KLF7: variants seen among roughly 807,000 people sequenced by gnomAD.
The protein encoded by KLF7 is Krueppel-like factor 7.
KLF7 carries 2 observed loss-of-function variants against 27.3 expected under a neutral mutation model. The ratio of observed to expected loss-of-function variants is 0.07; its 90% confidence interval spans 0.03 to 0.23. KLF7 has a LOEUF of 0.23. KLF7 is among the 10% of genes least tolerant of loss of function. The pLI is 1.00. For missense variants in KLF7, 221 were observed against 394.1 expected (o/e 0.56, Z 3.72); for synonymous variants, 165 against 162.4 (o/e 1.02, Z -0.12).
Position 207,144,159 on chromosome 2 carries a change from C to CG in KLF7, c.103-19756dup, listed in dbSNP as rs57867270. Among the ~76,000 whole-genome samples the CG allele has an allele frequency of 7.3e-3, 682 of 92,858 alleles. 7 individuals are homozygous for CG. The highest frequency in any genetic ancestry group is 0.048 in the South Asian group (123 of 2,546). 60.9% of individuals were successfully genotyped at this position (92,858 alleles called of 152,430 possible). ...GGCCCTGGTCTAGGAGTCGTCACAG[C>CG]GGGGGGGAGAAAAAAAAAAAAAAGC... On this transcript the variant is annotated intron_variant, in intron 1 of 3. Transcript: ENST00000309446.
In KLF7 at chr2:207,079,323, G is replaced by C. The variant is rs1406264339; in HGVS notation, c.*1890C>G. On this transcript the variant is annotated 3_prime_UTR_variant, in exon 4 of 4. Coordinates refer to ENST00000309446, the MANE Select transcript of KLF7 (RefSeq NM_003709.4). ...TGTGTTTCTTATATTATTTCCTTTT[G>C]ACTTCAGTTTTGCATCCCAAATATG... 1 of 152,120 alleles carries C rather than the reference G, an allele frequency of 6.6e-6. No homozygotes were observed. The highest frequency in any genetic ancestry group is 2.4e-5 in the African/African-American group (1 of 41,390). 9.4% of individuals were successfully genotyped at this position (152,120 alleles called of 1,614,324 possible). A position where few individuals can be genotyped will look rare whatever the true frequency, so the allele number is the denominator to read the frequency against.
At chr2:207,119,854 C>A (rs940202860) in intron 2 of KLF7, among the ~76,000 whole-genome samples, 1 of 152,162 alleles carries the variant, frequency 6.6e-6, no homozygotes, top group African/African-American at 2.4e-5. Context: ...CAGGCACGCG[C>A]CACACGCCCA....
At chr2:207,122,926 A>G (rs1340987432) in intron 2 of KLF7, among the ~76,000 whole-genome samples, 1 of 151,304 alleles carries the variant, frequency 6.6e-6, no homozygotes, top group African/African-American at 2.4e-5. Context: ...CCAGGAAGAG[A>G]CACCACCCCT....
rs114440196 is a variant in KLF7, at chr2:207,165,099, C to A, written c.102+368G>T. Among the ~76,000 whole-genome samples, 1,396 of 146,416 alleles carry A rather than the reference C, an allele frequency of 9.5e-3. 22 individuals carry two copies. The highest frequency in any genetic ancestry group is 0.033 in the African/African-American group (1,325 of 39,820). Reference sequence around the variant, plus strand: ...GAGCTCATGCATGCGAGAACGTGGTCCCTGTCAGCAATCGCTCCTAACACC... The same window carrying A: ...GAGCTCATGCATGCGAGAACGTGGTACCTGTCAGCAATCGCTCCTAACACC... On this transcript the variant is annotated intron_variant, in intron 1 of 3. Transcript: ENST00000309446.
In KLF7 at chr2:207,094,389, A is replaced by C. The variant is rs376277288; in HGVS notation, c.734-5808T>G. ...TTTTTTAATGTGGTTCTAGACATTT[A>C]GGTATGTCAAGGTCCTAGTCTCTTG... is the stretch of plus-strand genomic sequence containing the variant. On this transcript the variant is annotated intron_variant, in intron 2 of 3. Transcript: ENST00000309446. 3.9e-5 allele frequency among the ~76,000 whole-genome samples: 6 copies of C among 152,306 alleles called. No homozygotes were observed. In the East Asian group the frequency reaches 1.2e-3, roughly 29 times the overall value.
rs116511395 is a variant in KLF7 at position 207,123,515 on chromosome 2, C to T, written c.733+259G>A. The stretch of plus-strand genomic sequence containing the variant: ...AAACAGCTATGAGTCACTGCCAGGG[C>T]CCCCTTCAGCCATCCTCAGAATTGT... On this transcript the variant is annotated intron_variant, in intron 2 of 3. Transcript: ENST00000309446. 8.8e-3 allele frequency among the ~76,000 whole-genome samples: 1,342 copies of T among 152,314 alleles called. 21 individuals carry two copies. Among genetic ancestry groups the T allele is most frequent in the African/African-American group, 0.031 (1,291 of 41,572 alleles).
chr2:207,114,642 C>T lies in KLF7; in HGVS notation c.733+9132G>A, dbSNP rs80258250. ...GGCAACTGCTAGACTCCTAGAACCA[C>T]TCTCATTTAACATTGGCTTCAATAT... On this transcript the variant is annotated intron_variant, in intron 2 of 3. Coordinates refer to ENST00000309446, the MANE Select transcript of KLF7 (RefSeq NM_003709.4). Among the ~76,000 whole-genome samples the T allele has an allele frequency of 7.7e-3, 1,172 of 152,318 alleles. 103 individuals carry two copies. In the East Asian group the frequency reaches 0.19, roughly 25 times the overall value.
At chr2:207,150,998 A>T (rs537082167) in intron 1 of KLF7, among the ~76,000 whole-genome samples, 1,482 of 11,666 alleles carry the variant, frequency 0.13, 25 homozygotes, top group Admixed American at 0.16. Context: ...TCTCTTTATT[A>T]AAAAAAAAAA....
At chr2:207,138,512 C>T (rs1453054446) in intron 1 of KLF7, among the ~76,000 whole-genome samples, 1 of 152,146 alleles carries the variant, frequency 6.6e-6, no homozygotes, top group Non-Finnish European at 1.5e-5. Context: ...TTCATTGAAA[C>T]CACTGCATCT....
upstream of KLF7, among the ~76,000 whole-genome samples, chr2:207,168,346 T>C (rs978605732): frequency 1.3e-5 from 2 of 152,238 alleles, no homozygotes; most frequent in Non-Finnish European, 2.9e-5. Context: ...ACACTTTATA[T>C]GCAATGTCTC....
intron 1 of KLF7, among the ~76,000 whole-genome samples, chr2:207,160,211 G>T (rs553686290): frequency 6.6e-6 from 1 of 152,238 alleles, no homozygotes; most frequent in South Asian, 2.1e-4. Flanking sequence ...GCATTTTGGG[G>T]TTAAAACATT....
chr2:207,080,989 T>C lies in KLF7; in HGVS notation c.*224A>G. 2.0e-6 allele frequency: 1 copy of C among 498,802 alleles called. No individual in the cohort carries two copies. Among genetic ancestry groups the C allele is most frequent in the Non-Finnish European group, 3.6e-6 (1 of 281,622 alleles). The allele number at this position is 498,802 out of a possible 1,614,324, so 30.9% of individuals were successfully genotyped here. On this transcript the variant is annotated 3_prime_UTR_variant, in exon 4 of 4. Transcript: ENST00000309446. ...TCTGGCTAGGGCAAGGCATAAAGAA[T>C]AGACGTATATATTTTAAATATAGTT...
At chr2:207,090,422 T>C (rs958464410) in intron 2 of KLF7, among the ~76,000 whole-genome samples, 4 of 152,196 alleles carry the variant, frequency 2.6e-5, no homozygotes, top group Admixed American at 2.0e-4. Context: ...TCAGTGTATT[T>C]GTCTGTTAAA....
At chr2:207,109,159 G>A (rs1466676638) in intron 2 of KLF7, among the ~76,000 whole-genome samples, 2 of 152,186 alleles carry the variant, frequency 1.3e-5, no homozygotes, top group Non-Finnish European at 2.9e-5. Flanking sequence ...GCGTTTGTTT[G>A]CATCTTCAAA....
At chr2:207,129,721 G>A (rs1480636788) in intron 1 of KLF7, among the ~76,000 whole-genome samples, 1 of 138,698 alleles carries the variant, frequency 7.2e-6, no homozygotes, top group East Asian at 2.1e-4. Context: ...TTTCCTACAA[G>A]GAGGACCTGA....
At position 207,099,922 on chromosome 2, in the gene KLF7, G is replaced by T. The variant is rs1047275003; in HGVS notation, c.734-11341C>A. On this transcript the variant is annotated intron_variant, in intron 2 of 3. Coordinates refer to ENST00000309446, the MANE Select transcript of KLF7 (RefSeq NM_003709.4). The stretch of plus-strand genomic sequence containing the variant: ...TAGCAGGCAGATCACCTGAGCCCAG[G>T]AGTTTGAGACCAGCCCAGGCAATGT... Among the ~76,000 whole-genome samples, 8 of 152,132 alleles carry T rather than the reference G, an allele frequency of 5.3e-5. 1 individual carries two copies. Among genetic ancestry groups the T allele is most frequent in the African/African-American group, 1.9e-4 (8 of 41,418 alleles).
At position 207,123,948 on chromosome 2, in the gene KLF7, C is replaced by A; in HGVS notation, c.559G>T (p.Ala187Ser). The A allele has an allele frequency of 6.2e-7, 1 of 1,614,222 alleles. No individual in the cohort carries two copies. Among genetic ancestry groups the A allele is most frequent in the South Asian group, 1.1e-5 (1 of 91,088 alleles). The change falls in exon 2 of 4, where the codon GCC becomes TCC. Residue 187 changes from alanine (A) to serine (S), a missense_variant. Physicochemically the swap from Ala to Ser is moderately conservative, Grantham distance 99 (BLOSUM62 1). This residue lies in a region of KLF7 where 180 missense variants were observed against 227.9 expected (regional missense o/e 0.79). Transcript: ENST00000309446. ...KVGGVATAAA[A>S]VTAAGAVKSG... ...TTAACGGCCCCCGCAGCCGTCACGG[C>A]TGCTGCAGCTGTTGCGACCCCTCCC...
intron 2 of KLF7, among the ~76,000 whole-genome samples, chr2:207,107,698 C>T (rs2076915302): frequency 2.0e-5 from 3 of 152,352 alleles, no homozygotes; most frequent in African/African-American, 4.8e-5. Flanking sequence ...TCACAGACCG[C>T]TATCTGCCAA....
chr2:207,113,495 G>A (rs2077090705), intron 2 of KLF7, among the ~76,000 whole-genome samples: 1 of 148,024 alleles, frequency 6.8e-6, no homozygotes, highest in Non-Finnish European at 1.5e-5. Flanking sequence ...CCTCCCCACT[G>A]ACTAAATCCC....
Sources: allele counts gnomAD v4.1 joint callset (sites outside exome capture counted in the v4.1 genomes callset), GRCh38; gene constraint gnomAD v4.1.1; regional missense constraint gnomAD v4.1.1; transcripts MANE v1.5; gene names NCBI Gene and HGNC (gene_info 2026-07-23, HGNC 2026-07-21).